ARHGAP28: variants seen among roughly 807,000 people sequenced by gnomAD.
ARHGAP28 encodes the protein Rho GTPase activating protein 28, also known as rho GTPase-activating protein 28.
ARHGAP28 carries 56 observed loss-of-function variants against 90.7 expected under a neutral mutation model. The observed-to-expected ratio is 0.62, with a 90% confidence interval of 0.50 to 0.77. The LOEUF (loss-of-function observed/expected upper bound fraction) is 0.77, where lower values mean the gene tolerates loss of function less well. Among genes scored for constraint, ARHGAP28 ranks in the 30% least tolerant of loss-of-function variants. The pLI, the probability that ARHGAP28 is intolerant of heterozygous loss-of-function variation, is 0.00. For synonymous variants in ARHGAP28, 308 were observed against 323.3 expected (o/e 0.95, Z 0.51); for missense variants, 869 against 900.9 (o/e 0.96, Z 0.45).
chr18:6,762,599 C>T (rs769583502), intron 1 of ARHGAP28, among the ~76,000 whole-genome samples: 2 of 151,882 alleles, frequency 1.3e-5, no homozygotes, highest in Non-Finnish European at 2.9e-5. Context: ...ATCCCCAGTA[C>T]CTCAGAATGT....
chr18:6,908,630 G>T (rs1363930202), intron 16 of ARHGAP28, among the ~76,000 whole-genome samples: 1 of 152,140 alleles, frequency 6.6e-6, no homozygotes, highest in Non-Finnish European at 1.5e-5. Context: ...TACTAAACAC[G>T]CAGCTGCTCC....
Position 6,729,832 on chromosome 18 carries a change from A to T in ARHGAP28, c.11A>T (p.Glu4Val). Reference sequence around the variant, plus strand: ...CATGCGCGGCTGACGATGGAGGTGGAGGACTCGGGCGGCGTGGTGCTGACC... The same window carrying T: ...CATGCGCGGCTGACGATGGAGGTGGTGGACTCGGGCGGCGTGGTGCTGACC... Reference protein sequence around the residue: MEVEDSGGVVLTAY... With the variant: MEVVDSGGVVLTAY... The change falls in exon 1 of 18, where the codon GAG becomes GTG. Residue 4 changes from glutamate (E) to valine (V), a missense_variant. Transcript: ENST00000383472. 2.8e-6 allele frequency: 4 copies of T among 1,421,518 alleles called. No homozygotes were observed. The South Asian group carries it at 4.4e-5, about 16-fold the overall frequency. 88.1% of individuals were successfully genotyped at this position (1,421,518 alleles called of 1,614,324 possible).
chr18:6,890,290 A>G (rs2057254620), intron 13 of ARHGAP28, 140 bp from the exon 14 acceptor site: 1 of 775,772 alleles, frequency 1.3e-6, no homozygotes, highest in Non-Finnish European at 2.1e-6. Flanking sequence ...AATTTTTTCT[A>G]AACTTTATAA....
intron 1 of ARHGAP28, among the ~76,000 whole-genome samples, chr18:6,731,531 G>A (rs572859926): frequency 1.1e-4 from 17 of 152,274 alleles, no homozygotes; most frequent in Non-Finnish European, 1.6e-4. Flanking sequence ...CAAGCGTTAC[G>A]TGTCAGAGCT....
rs538161454 is a variant in ARHGAP28 at position 6,769,585 on chromosome 18, C to T, written c.122+39642C>T. 7.2e-5 allele frequency among the ~76,000 whole-genome samples: 11 copies of T among 152,278 alleles called. No individual in the cohort carries two copies. The South Asian group carries it at 2.1e-3, about 29-fold the overall frequency. Reference sequence around the variant, plus strand: ...ACTGGTATGATCTCTATTTTATTCACGAGGAAAGCGAGACTTGGAAAGATT... The same window carrying T: ...ACTGGTATGATCTCTATTTTATTCATGAGGAAAGCGAGACTTGGAAAGATT... On this transcript the variant is annotated intron_variant, in intron 1 of 17. Transcript: ENST00000383472.
chr18:6,797,452 T>C (rs2056449263), intron 1 of ARHGAP28, among the ~76,000 whole-genome samples: 2 of 152,152 alleles, frequency 1.3e-5, no homozygotes, highest in South Asian at 4.1e-4. Context: ...TACTTAAAAC[T>C]TAAGGAGTCT....
In ARHGAP28 at chr18:6,729,916, G is replaced by A. The variant is rs2055861044; in HGVS notation, c.95G>A (p.Arg32His). ...AACGCCGAGTCGCGCTGCGCGCCCC[G>A]CGCCGCAGCCAGCCACCCGCTCAGC... ...PPNAESRCAP[R>H]AAASHPLSRK... Residue 32 changes from arginine to histidine, a missense_variant, in exon 1 of 18, where the codon CGC becomes CAC. Coordinates refer to ENST00000383472, the MANE Select transcript of ARHGAP28 (RefSeq NM_001366230.1). The A allele has an allele frequency of 2.1e-6, 3 of 1,405,616 alleles. No individual in the cohort carries two copies. Among genetic ancestry groups the A allele is most frequent in the South Asian group, 3.1e-5 (2 of 65,268 alleles). The allele number at this position is 1,405,616 out of a possible 1,614,324, so 87.1% of individuals were successfully genotyped here. A position where few individuals can be genotyped will look rare whatever the true frequency, so the allele number is the denominator to read the frequency against.
intron 3 of ARHGAP28, 164 bp from the exon 4 acceptor site, chr18:6,850,870 T>A: frequency 6.5e-7 from 1 of 1,537,678 alleles, no homozygotes; most frequent in Non-Finnish European, 8.7e-7. Flanking sequence ...TAATTATGAA[T>A]GAATTGGTAA....
At chr18:6,827,398 G>A (rs1211525481) in intron 2 of ARHGAP28, among the ~76,000 whole-genome samples, 2 of 146,382 alleles carry the variant, frequency 1.4e-5, no homozygotes, top group African/African-American at 5.1e-5. Flanking sequence ...AGATGGGGCG[G>A]CTGGCCGGGA....
At chr18:6,749,896 C>A (rs1447438379) in intron 1 of ARHGAP28, among the ~76,000 whole-genome samples, 1 of 152,090 alleles carries the variant, frequency 6.6e-6, no homozygotes, top group Non-Finnish European at 1.5e-5. Context: ...TAGGTAGCTT[C>A]AAAAATATAC....
At chr18:6,735,873 G>C (rs1282327768) in intron 1 of ARHGAP28, among the ~76,000 whole-genome samples, 1 of 152,056 alleles carries the variant, frequency 6.6e-6, no homozygotes, top group African/African-American at 2.4e-5. Context: ...CATTTTCGAT[G>C]AGAAATCTGT....
chr18:6,882,426 T>C (rs2057186652), intron 11 of ARHGAP28, 127 bp downstream of exon 11: 1 of 895,260 alleles, frequency 1.1e-6, no homozygotes, highest in East Asian at 2.7e-5. Context: ...CTTGGTGGAA[T>C]ATTAAGTTTG....
At chr18:6,833,794 T>A (rs2056732808) in intron 2 of ARHGAP28, among the ~76,000 whole-genome samples, 1 of 152,140 alleles carries the variant, frequency 6.6e-6, no homozygotes, top group Non-Finnish European at 1.5e-5. Context: ...TCTTGGGAGG[T>A]ACCTTCAAAC....
intron 11 of ARHGAP28, among the ~76,000 whole-genome samples, chr18:6,885,398 T>C (rs2057212566): frequency 6.6e-6 from 1 of 152,124 alleles, no homozygotes; most frequent in Admixed American, 6.5e-5. Context: ...GTTTAAGCTG[T>C]CCCTCTCAAT....
intron 16 of ARHGAP28, among the ~76,000 whole-genome samples, chr18:6,908,212 A>G (rs2057374746): frequency 6.6e-6 from 1 of 152,036 alleles, no homozygotes; most frequent in African/African-American, 2.4e-5. Flanking sequence ...ATCTCCACCC[A>G]CTGCAACCTC....
At chr18:6,856,169 CTG>C (rs2056951915) in intron 4 of ARHGAP28, among the ~76,000 whole-genome samples, 1 of 152,220 alleles carries the variant, frequency 6.6e-6, no homozygotes, top group Non-Finnish European at 1.5e-5. Context: ...TCATATTAGT[CTG>C]TTTGCTCTGT....
intron 1 of ARHGAP28, among the ~76,000 whole-genome samples, chr18:6,821,513 C>T (rs2056626704): frequency 6.6e-6 from 1 of 152,122 alleles, no homozygotes; most frequent in Admixed American, 6.6e-5. Context: ...GTTGGATGGG[C>T]CTGAGGGTCA....
At position 6,822,527 on chromosome 18, in the gene ARHGAP28, T is replaced by C. The variant is rs144408778; in HGVS notation, c.123-2235T>C. Among the ~76,000 whole-genome samples, 1,258 of 152,344 alleles carry C rather than the reference T, an allele frequency of 8.3e-3. 8 individuals are homozygous for C. Among genetic ancestry groups the C allele is most frequent in the Middle Eastern group, 0.024 (7 of 294 alleles). ...CTGTCTTACTATCTTGTCAATTTCA[T>C]AGGTATTTCAACTGCTAGAATGTGT... On this transcript the variant is annotated intron_variant, in intron 1 of 17. Coordinates refer to ENST00000383472, the MANE Select transcript of ARHGAP28 (RefSeq NM_001366230.1).
intron 1 of ARHGAP28, among the ~76,000 whole-genome samples, chr18:6,787,672 G>A (rs1351772762): frequency 6.6e-6 from 1 of 152,168 alleles, no homozygotes; most frequent in Admixed American, 6.5e-5. Flanking sequence ...TTAATCTGGT[G>A]GGTTGGCTTT....
Sources: allele counts gnomAD v4.1 joint callset (sites outside exome capture counted in the v4.1 genomes callset), GRCh38; gene constraint gnomAD v4.1.1; transcripts MANE v1.5; gene names NCBI Gene and HGNC (gene_info 2026-07-23, HGNC 2026-07-21).